Variants in FAM83B observed in about 807,000 individuals in gnomAD.
The protein encoded by FAM83B is scaffolding CK1 anchoring protein B.
A neutral mutation model predicts 38.8 loss-of-function variants in FAM83B; 26 were observed. The observed-to-expected ratio is 0.67, with a 90% confidence interval of 0.49 to 0.93. The LOEUF is 0.93. FAM83B is among the 40% of genes least tolerant of loss of function. FAM83B has a pLI of 0.00. For synonymous variants in FAM83B, 419 were observed against 423.1 expected (o/e 0.99, Z 0.12); for missense variants, 1,237 against 1,197.3 (o/e 1.03, Z -0.49).
At chr6:54,915,802 G>T (rs2127585769) in intron 2 of FAM83B, among the ~76,000 whole-genome samples, 1 of 58,552 alleles carries the variant, frequency 1.7e-5, no homozygotes, top group East Asian at 3.3e-4. Flanking sequence ...GACAGAGCGA[G>T]ACTCCGTCTC....
At chr6:54,908,570 G>T (rs1477492681) in intron 2 of FAM83B, among the ~76,000 whole-genome samples, 2 of 151,944 alleles carry the variant, frequency 1.3e-5, no homozygotes, top group Non-Finnish European at 2.9e-5. Flanking sequence ...ATGGGTTTAG[G>T]TGCTTTTATA....
Position 54,941,676 on chromosome 6 carries a change from T to G in FAM83B, c.2705T>G (p.Ile902Ser), listed in dbSNP as rs761504506. ...EQIQYRDSRE[I>S]NAVVTPERRP... ...ATCCAATACCGAGATTCAAGGGAGA[T>G]TAATGCAGTTGTTACCCCTGAAAGA... The change falls in exon 5 of 5, where the codon ATT becomes AGT. Residue 902 changes from isoleucine (I) to serine (S), a missense_variant. Ile to Ser is a moderately radical substitution (Grantham distance 142). Coordinates refer to ENST00000306858, the MANE Select transcript of FAM83B (RefSeq NM_001010872.3). The G allele has an allele frequency of 6.2e-7, 1 of 1,613,972 alleles. No homozygotes were observed. Among genetic ancestry groups the G allele is most frequent in the South Asian group, 1.1e-5 (1 of 91,072 alleles).
intron 2 of FAM83B, among the ~76,000 whole-genome samples, chr6:54,882,169 G>A (rs1011580802): frequency 2.0e-5 from 3 of 152,154 alleles, no homozygotes; most frequent in Admixed American, 6.5e-5. Context: ...ATCACTGTTG[G>A]ACATTTGGGT....
chr6:54,876,560 C>T (rs1772002008), intron 2 of FAM83B, among the ~76,000 whole-genome samples: 2 of 151,594 alleles, frequency 1.3e-5, no homozygotes, highest in African/African-American at 4.9e-5. Flanking sequence ...CTCAGGTGAT[C>T]CACCCGCCTC....
chr6:54,891,489 A>G (rs1398259988), intron 2 of FAM83B, among the ~76,000 whole-genome samples: 1 of 151,982 alleles, frequency 6.6e-6, no homozygotes. Flanking sequence ...TCCACATTTT[A>G]TTTCTTACTG....
chr6:54,846,219 G>C (rs1021402679), upstream of FAM83B, among the ~76,000 whole-genome samples: 10 of 152,312 alleles, frequency 6.6e-5, no homozygotes, highest in East Asian at 1.9e-3. Flanking sequence ...CTGAGAAGGA[G>C]TCTGCACTGC....
intron 2 of FAM83B, among the ~76,000 whole-genome samples, chr6:54,916,315 A>G (rs1561924044): frequency 1.3e-5 from 2 of 152,140 alleles, no homozygotes; most frequent in African/African-American, 4.8e-5. Flanking sequence ...GATAATAGCT[A>G]TCTCGGGACC....
intron 3 of FAM83B, among the ~76,000 whole-genome samples, chr6:54,926,741 G>C (rs1189628867): frequency 6.6e-6 from 1 of 152,006 alleles, no homozygotes; most frequent in African/African-American, 2.4e-5. Flanking sequence ...GTGTTTGTTT[G>C]TTTGTTTTTG....
intron 4 of FAM83B, among the ~76,000 whole-genome samples, chr6:54,928,766 T>G (rs1309718776): frequency 2.0e-5 from 3 of 152,162 alleles, no homozygotes; most frequent in African/African-American, 7.2e-5. Context: ...ATCATTGTTA[T>G]TTAAGGTCAT....
At chr6:54,908,120 G>A (rs1045315685) in intron 2 of FAM83B, among the ~76,000 whole-genome samples, 1 of 123,132 alleles carries the variant, frequency 8.1e-6, no homozygotes, top group African/African-American at 3.5e-5. Flanking sequence ...CTGCCTTCTT[G>A]GGATTTCATG....
intron 1 of FAM83B, 22 bp from the exon 2 acceptor site, chr6:54,870,165 T>C: frequency 9.4e-7 from 1 of 1,063,776 alleles, no homozygotes; most frequent in Admixed American, 2.3e-5. Context: ...TTGATCTTGA[T>C]TTTCTTCTTT....
chr6:54,942,763 C>A lies in FAM83B; in HGVS notation c.*756C>A, dbSNP rs1773734678. Among the ~76,000 whole-genome samples, 1 of 147,530 alleles carries A rather than the reference C, an allele frequency of 6.8e-6. No individual in the cohort carries two copies. Among genetic ancestry groups the A allele is most frequent in the Non-Finnish European group, 1.5e-5 (1 of 67,968 alleles). ...TTCCTTACTTCACATTTAGGACAAA[C>A]CAGTAGGAATTTAGAAAATCTGAAT... On this transcript the variant is annotated 3_prime_UTR_variant, in exon 5 of 5. Coordinates refer to ENST00000306858, the MANE Select transcript of FAM83B (RefSeq NM_001010872.3).
chr6:54,927,040 G>A lies in FAM83B; in HGVS notation c.610-468G>A, dbSNP rs556175676. 3.2e-3 allele frequency among the ~76,000 whole-genome samples: 485 copies of A among 152,074 alleles called. 1 individual carries two copies. The highest frequency in any genetic ancestry group is 0.011 in the African/African-American group (462 of 41,486). ...GAGCCACCGTGCCCGGCCTTCATGA[G>A]GGTTTTATATTGTGCTTTTCCTGAT... On this transcript the variant is annotated intron_variant, in intron 3 of 4. Transcript: ENST00000306858.
chr6:54,885,587 CAT>C (rs1460962669), intron 2 of FAM83B, among the ~76,000 whole-genome samples: 1 of 151,846 alleles, frequency 6.6e-6, no homozygotes, highest in Non-Finnish European at 1.5e-5. Flanking sequence ...TTTTCCAACC[CAT>C]ATAACTTTCA....
Position 54,942,025 on chromosome 6 carries a change from G to A in FAM83B, c.*18G>A, listed in dbSNP as rs534199275. ...ATAAATAGCTATTAAAATGCAAAAT[G>A]AATGAGGCTATCAATATTTGTCCAA... On this transcript the variant is annotated 3_prime_UTR_variant, in exon 5 of 5. Coordinates refer to ENST00000306858, the MANE Select transcript of FAM83B (RefSeq NM_001010872.3). 34 of 1,575,640 alleles carry A rather than the reference G, an allele frequency of 2.2e-5. 1 individual carries two copies. The South Asian group carries it at 3.9e-4, about 18-fold the overall frequency.
chr6:54,922,804 T>C (rs1050739724), intron 2 of FAM83B, among the ~76,000 whole-genome samples: 1 of 152,090 alleles, frequency 6.6e-6, no homozygotes, highest in African/African-American at 2.4e-5. Flanking sequence ...GCTCATCTTC[T>C]AAGGTATTCA....
intron 1 of FAM83B, among the ~76,000 whole-genome samples, chr6:54,859,622 A>G (rs1411926173): frequency 6.6e-6 from 1 of 152,176 alleles, no homozygotes; most frequent in African/African-American, 2.4e-5. Context: ...TTACTGTGGG[A>G]GCTCCTTTCA....
At chr6:54,929,864 A>G (rs1288800554) in intron 4 of FAM83B, among the ~76,000 whole-genome samples, 1 of 152,112 alleles carries the variant, frequency 6.6e-6, no homozygotes, top group East Asian at 1.9e-4. Flanking sequence ...ACATTTTAAA[A>G]AAATCAAATA....
Position 54,870,596 on chromosome 6 carries a change from G to T in FAM83B, c.350G>T (p.Gly117Val). 2 of 1,613,794 alleles carry T rather than the reference G, an allele frequency of 1.2e-6. No individual in the cohort carries two copies. The highest frequency in any genetic ancestry group is 1.7e-6 in the Non-Finnish European group (2 of 1,179,928). Reference sequence around the variant, plus strand: ...CCATATGTGATGCCCGGACTCTTAGGGGGCACCCATATAGATCTCCTTTTT... The same window carrying T: ...CCATATGTGATGCCCGGACTCTTAGTGGGCACCCATATAGATCTCCTTTTT... ...GWPYVMPGLL[G>V]GTHIDLLFHP... The change falls in exon 2 of 5, where the codon GGG becomes GTG. Residue 117 changes from glycine (G) to valine (V), a missense_variant. Gly to Val is a moderately radical substitution (Grantham distance 109). Transcript: ENST00000306858.
Sources: allele counts gnomAD v4.1 joint callset (sites outside exome capture counted in the v4.1 genomes callset), GRCh38; gene constraint gnomAD v4.1.1; transcripts MANE v1.5; gene names NCBI Gene and HGNC (gene_info 2026-07-23, HGNC 2026-07-21).